RERG: variants seen among roughly 807,000 people sequenced by gnomAD.
RERG encodes the protein ras-related and estrogen-regulated growth inhibitor.
In RERG, 25 loss-of-function variants were observed where a neutral mutation model predicts 23.2. The ratio of observed to expected loss-of-function variants is 1.08; its 90% CI spans 0.79 to 1.50. The LOEUF is 1.50. Among genes scored for constraint, RERG ranks in the 40% most tolerant of loss-of-function variants. The pLI, the probability that RERG is intolerant of heterozygous loss-of-function variation, is 0.00. For synonymous variants in RERG, 81 were observed against 89.1 expected, an observed-to-expected ratio of 0.91 and a Z score of 0.51; for missense variants, 253 against 250.1, an observed-to-expected ratio of 1.01 and a Z score of -0.08.
In RERG at chr12:15,217,563, G is replaced by A. The variant is rs1591674833; in HGVS notation, c.-74C>T. Reference sequence around the variant, plus strand: ...TAAATCTTTTTGGTTCCAGTCTTTGGATTCACCATATCATTGTGAATCTTG... The same window carrying A: ...TAAATCTTTTTGGTTCCAGTCTTTGAATTCACCATATCATTGTGAATCTTG... On this transcript the variant is annotated 5_prime_UTR_variant, in exon 2 of 5. Coordinates refer to ENST00000256953, the MANE Select transcript of RERG (RefSeq NM_032918.3). The A allele has an allele frequency of 1.9e-6, 2 of 1,033,132 alleles. No individual in the cohort carries two copies. The highest frequency in any genetic ancestry group is 4.7e-5 in the East Asian group (2 of 42,128). The allele number at this position is 1,033,132 out of a possible 1,614,324, so 64.0% of individuals were successfully genotyped here.
At chr12:15,185,569 C>T (rs1178424466) in intron 2 of RERG, among the ~76,000 whole-genome samples, 1 of 152,088 alleles carries the variant, frequency 6.6e-6, no homozygotes, top group Non-Finnish European at 1.5e-5. Context: ...TTTTTAGCAA[C>T]AGTACGGTAT....
chr12:15,176,485 C>G lies in RERG; in HGVS notation c.61+40944G>C, dbSNP rs533245744. 3.9e-5 allele frequency among the ~76,000 whole-genome samples: 6 copies of G among 152,218 alleles called. No individual in the cohort carries two copies. The East Asian group carries it at 1.2e-3, about 29-fold the overall frequency. ...TATTTTTTATGTAATCAGATCTTTG[C>G]AGGACATACGAGGGCTTTCACATTT... On this transcript the variant is annotated intron_variant, in intron 2 of 4. Transcript: ENST00000256953.
At chr12:15,206,547 G>T (rs373494394) in intron 2 of RERG, among the ~76,000 whole-genome samples, 1 of 152,206 alleles carries the variant, frequency 6.6e-6, no homozygotes, top group East Asian at 1.9e-4. Context: ...CATCACTGAA[G>T]AACTTGTTAG....
At chr12:15,117,985 G>A (rs968402372) in intron 3 of RERG, among the ~76,000 whole-genome samples, 3 of 152,032 alleles carry the variant, frequency 2.0e-5, no homozygotes, top group Admixed American at 6.6e-5. Flanking sequence ...AGATTTCACC[G>A]ATCCACAGTA....
At position 15,217,500 on chromosome 12, in the gene RERG, G is replaced by T; in HGVS notation, c.-11C>A. On this transcript the variant is annotated 5_prime_UTR_variant, in exon 2 of 5. Transcript: ENST00000256953. Reference sequence around the variant, plus strand: ...CGCACTTTTAGCCATGATGGGTGTTGGTAGACAATTTACTGTTGTTAAAAC... The same window carrying T: ...CGCACTTTTAGCCATGATGGGTGTTTGTAGACAATTTACTGTTGTTAAAAC... 1 of 1,604,540 alleles carries T rather than the reference G, an allele frequency of 6.2e-7. No homozygotes were observed. The highest frequency in any genetic ancestry group is 8.5e-7 in the Non-Finnish European group (1 of 1,171,382).
At position 15,145,467 on chromosome 12, in the gene RERG, G is replaced by C. The variant is rs73306715; in HGVS notation, c.62-24348C>G. Among the ~76,000 whole-genome samples, 908 of 152,338 alleles carry C rather than the reference G, an allele frequency of 6.0e-3. 10 individuals carry two copies. Among genetic ancestry groups the C allele is most frequent in the African/African-American group, 0.021 (857 of 41,576 alleles). ...GGACCACTCATGGGATGGCCAGGCA[G>C]ATGGATCTCAAACAGGGTGGCAGAG... On this transcript the variant is annotated intron_variant, in intron 2 of 4. Transcript: ENST00000256953.
chr12:15,185,392 A>G (rs1337703771), intron 2 of RERG, among the ~76,000 whole-genome samples: 4 of 152,122 alleles, frequency 2.6e-5, no homozygotes, highest in African/African-American at 7.2e-5. Flanking sequence ...AAACTCACAG[A>G]GAAGCTCTTT....
chr12:15,120,492 A>T (rs1863810901), intron 3 of RERG, among the ~76,000 whole-genome samples: 1 of 14,790 alleles, frequency 6.8e-5, no homozygotes, highest in Non-Finnish European at 1.2e-3. Context: ...AAAACAAAGA[A>T]ATTAAAAAAA....
At chr12:15,181,808 G>A (rs1864925701) in intron 2 of RERG, among the ~76,000 whole-genome samples, 1 of 152,168 alleles carries the variant, frequency 6.6e-6, no homozygotes, top group South Asian at 2.1e-4. Flanking sequence ...AGAAAAGAAA[G>A]TGAGAAGTGA....
chr12:15,175,653 G>A (rs1189655534), intron 2 of RERG, among the ~76,000 whole-genome samples: 1 of 152,046 alleles, frequency 6.6e-6, no homozygotes, highest in Non-Finnish European at 1.5e-5. Context: ...TATCTCTCAT[G>A]TTAAGTAATT....
At chr12:15,145,523 C>T (rs564679434) in intron 2 of RERG, among the ~76,000 whole-genome samples, 33 of 152,320 alleles carry the variant, frequency 2.2e-4, no homozygotes, top group Admixed American at 1.8e-3. Flanking sequence ...GGGGTGTGTC[C>T]GATGCTAGCT....
intron 2 of RERG, among the ~76,000 whole-genome samples, chr12:15,142,199 T>C (rs1365719122): frequency 6.6e-6 from 1 of 152,214 alleles, no homozygotes; most frequent in Non-Finnish European, 1.5e-5. Context: ...TTTTATCTTT[T>C]AGCCTTAATA....
At chr12:15,186,137 G>A (rs1476460368) in intron 2 of RERG, among the ~76,000 whole-genome samples, 1 of 151,778 alleles carries the variant, frequency 6.6e-6, no homozygotes, top group Non-Finnish European at 1.5e-5. Flanking sequence ...TTTTAGTCAT[G>A]TTTTACCAAA....
intron 2 of RERG, among the ~76,000 whole-genome samples, chr12:15,133,959 T>C (rs1447538586): frequency 1.3e-5 from 2 of 152,142 alleles, no homozygotes; most frequent in Admixed American, 6.5e-5. Context: ...CTTTTTTTCA[T>C]TGTTGAGTTT....
intron 2 of RERG, among the ~76,000 whole-genome samples, chr12:15,194,022 A>C (rs1412701759): frequency 1.3e-5 from 2 of 152,156 alleles, no homozygotes; most frequent in Non-Finnish European, 2.9e-5. Flanking sequence ...CATTGACAGC[A>C]GGAAAAAAAA....
intron 2 of RERG, among the ~76,000 whole-genome samples, chr12:15,165,093 G>A (rs573359694): frequency 6.6e-6 from 1 of 152,140 alleles, no homozygotes; most frequent in Admixed American, 6.5e-5. Context: ...CTGAGGACAC[G>A]ATCAGATTCT....
intron 2 of RERG, among the ~76,000 whole-genome samples, chr12:15,165,941 G>A (rs896004678): frequency 6.6e-6 from 1 of 152,144 alleles, no homozygotes; most frequent in African/African-American, 2.4e-5. Context: ...ATGACTGTAA[G>A]CTCCCCTGAC....
intron 1 of RERG, 36 bp from the exon 2 acceptor site, chr12:15,217,639 T>A: frequency 1.6e-6 from 1 of 624,828 alleles, no homozygotes; most frequent in Non-Finnish European, 2.9e-6. Context: ...CATAAGTGAC[T>A]GGAAAATGAA....
chr12:15,146,319 T>A (rs74071045), intron 2 of RERG, among the ~76,000 whole-genome samples: 3,767 of 152,290 alleles, frequency 0.025, 149 homozygotes, highest in African/African-American at 0.086. Context: ...TTTATAGTAA[T>A]ACTGTATTAT....
Sources: gnomAD v4.1 joint callset for allele counts (sites outside exome capture counted in the v4.1 genomes callset) on GRCh38, gnomAD v4.1.1 for gene constraint, MANE v1.5 for transcripts, NCBI Gene and HGNC (gene_info 2026-07-23, HGNC 2026-07-21) for gene names.